MARCHF1: variants seen among roughly 807,000 people sequenced by gnomAD.
The protein encoded by MARCHF1 is E3 ubiquitin-protein ligase MARCHF1.
MARCHF1 carries 40 observed loss-of-function variants against 54.2 expected under a neutral mutation model. The observed-to-expected ratio is 0.74, with a 90% CI of 0.57 to 0.96. The LOEUF is 0.96. Among genes scored for constraint, MARCHF1 ranks in the 40% least tolerant of loss-of-function variants. MARCHF1 has a pLI of 0.00. For missense variants in MARCHF1, 586 were observed against 656.5 expected (o/e 0.89, Z 1.17); for synonymous variants, 236 against 236.3 (o/e 1.00, Z 0.01).
chr4:163,730,483 G>A (rs191531764), intron 4 of MARCHF1, among the ~76,000 whole-genome samples: 337 of 152,070 alleles, frequency 2.2e-3, no homozygotes, highest in Middle Eastern at 3.4e-3. Flanking sequence ...GTTGAAAAGC[G>A]GACATGTGAA....
chr4:164,197,886 C>G (rs893221360), intron 1 of MARCHF1, among the ~76,000 whole-genome samples: 1 of 152,084 alleles, frequency 6.6e-6, no homozygotes, highest in African/African-American at 2.4e-5. Flanking sequence ...CTGGGTCAAG[C>G]AGAACAATTA....
chr4:163,795,891 A>C (rs1328292899), intron 4 of MARCHF1, among the ~76,000 whole-genome samples: 1 of 152,202 alleles, frequency 6.6e-6, no homozygotes, highest in African/African-American at 2.4e-5. Context: ...TATTTTGCAC[A>C]TTATATGTAT....
chr4:163,932,354 A>G (rs1185382742), intron 3 of MARCHF1, among the ~76,000 whole-genome samples: 2 of 152,222 alleles, frequency 1.3e-5, no homozygotes, highest in African/African-American at 4.8e-5. Flanking sequence ...CATTTTACCC[A>G]CAGTAGAATG....
chr4:163,710,849 T>C (rs1306607234), intron 4 of MARCHF1, among the ~76,000 whole-genome samples: 2 of 152,196 alleles, frequency 1.3e-5, no homozygotes, highest in African/African-American at 4.8e-5. Context: ...TTTACTTCAA[T>C]TGCTTGTATG....
At chr4:164,170,728 GA>G (rs1179141461) in intron 1 of MARCHF1, among the ~76,000 whole-genome samples, 3 of 152,040 alleles carry the variant, frequency 2.0e-5, no homozygotes, top group Non-Finnish European at 2.9e-5. Flanking sequence ...AATCTGATTA[GA>G]AGAAATTATA....
At chr4:163,854,252 C>G in intron 3 of MARCHF1, 83 bp from the exon 4 acceptor site, 1 of 1,072,184 alleles carries the variant, frequency 9.3e-7, no homozygotes, top group Admixed American at 3.3e-5. Context: ...ATTAAATCAA[C>G]AATATAACAA....
At chr4:164,141,125 G>A (rs77966814) in intron 1 of MARCHF1, among the ~76,000 whole-genome samples, 1 of 152,186 alleles carries the variant, frequency 6.6e-6, no homozygotes, top group African/African-American at 2.4e-5. Context: ...GAAAACTGGG[G>A]AGAACTAATC....
chr4:164,179,262 A>T (rs995079569), intron 1 of MARCHF1, among the ~76,000 whole-genome samples: 1 of 152,188 alleles, frequency 6.6e-6, no homozygotes, highest in Admixed American at 6.6e-5. Context: ...TCTCTACACC[A>T]GTACAGGATT....
intron 4 of MARCHF1, among the ~76,000 whole-genome samples, chr4:163,754,835 G>A (rs1746620627): frequency 1.3e-5 from 2 of 152,202 alleles, no homozygotes; most frequent in African/African-American, 4.8e-5. Flanking sequence ...GACAAAGTAA[G>A]TTAAAACACG....
chr4:163,657,454 G>T, intron 5 of MARCHF1, among the ~76,000 whole-genome samples: 1 of 152,084 alleles, frequency 6.6e-6, no homozygotes, highest in African/African-American at 2.4e-5. Context: ...TGGATAGGAA[G>T]AATCAATATC....
chr4:163,576,050 G>T (rs947199629), intron 8 of MARCHF1, among the ~76,000 whole-genome samples: 1 of 151,650 alleles, frequency 6.6e-6, no homozygotes, highest in Non-Finnish European at 1.5e-5. Context: ...ATTTAGGTCT[G>T]CTCTAATTTT....
intron 3 of MARCHF1, among the ~76,000 whole-genome samples, chr4:163,906,280 T>C (rs1466498692): frequency 6.6e-6 from 1 of 152,000 alleles, no homozygotes; most frequent in Non-Finnish European, 1.5e-5. Flanking sequence ...AGTGCCTGAA[T>C]ATGTAACTGA....
intron 5 of MARCHF1, among the ~76,000 whole-genome samples, chr4:163,690,714 ACTGC>A (rs1224296105): frequency 6.6e-6 from 1 of 152,190 alleles, no homozygotes; most frequent in African/African-American, 2.4e-5. Context: ...TCTCCCTATC[ACTGC>A]CAGAATACAA....
At chr4:163,763,584 T>C (rs1010715363) in intron 4 of MARCHF1, among the ~76,000 whole-genome samples, 2 of 151,912 alleles carry the variant, frequency 1.3e-5, no homozygotes, top group African/African-American at 4.8e-5. Flanking sequence ...TTTAGAGGGG[T>C]TTCTGAATGA....
intron 2 of MARCHF1, among the ~76,000 whole-genome samples, chr4:163,989,834 T>A (rs1455258620): frequency 6.6e-6 from 1 of 152,180 alleles, no homozygotes; most frequent in Admixed American, 6.5e-5. Flanking sequence ...ATAGATCAGA[T>A]CTCCCACTGT....
At chr4:163,590,416 T>G (rs1740552825) in intron 7 of MARCHF1, among the ~76,000 whole-genome samples, 1 of 152,074 alleles carries the variant, frequency 6.6e-6, no homozygotes, top group Non-Finnish European at 1.5e-5. Flanking sequence ...TCTTCTTCCT[T>G]TTCATCCCCA....
chr4:164,024,263 A>G (rs1001275576), intron 2 of MARCHF1, among the ~76,000 whole-genome samples: 2 of 152,094 alleles, frequency 1.3e-5, no homozygotes, highest in Admixed American at 6.6e-5. Flanking sequence ...ATACAAGTTG[A>G]CCACCCCTCA....
chr4:163,688,724 G>A (rs1018133807), intron 5 of MARCHF1, among the ~76,000 whole-genome samples: 1 of 152,184 alleles, frequency 6.6e-6, no homozygotes. Flanking sequence ...ATTGCTAAGA[G>A]TATCAGTAGA....
At chr4:163,993,043 G>T (rs1330883250) in intron 2 of MARCHF1, among the ~76,000 whole-genome samples, 2 of 151,986 alleles carry the variant, frequency 1.3e-5, no homozygotes, top group African/African-American at 2.4e-5. Flanking sequence ...ATGGCACAAA[G>T]AATTTATGTT....
Sources: gnomAD v4.1 joint callset for allele counts (sites outside exome capture counted in the v4.1 genomes callset) on GRCh38, gnomAD v4.1.1 for gene constraint, MANE v1.5 for transcripts, NCBI Gene and HGNC (gene_info 2026-07-23, HGNC 2026-07-21) for gene names.